Variants in FRMD4A observed in about 807,000 individuals in gnomAD.
FRMD4A encodes the protein FERM domain-containing protein 4A.
FRMD4A carries 29 observed loss-of-function variants against 129.1 expected under a neutral mutation model. The observed-to-expected ratio is 0.22, with a 90% CI of 0.17 to 0.31. The LOEUF is 0.31. Ranked by LOEUF, FRMD4A falls within the 10% of genes least tolerant of loss-of-function variation. The pLI is 1.00. For synonymous variants in FRMD4A, 634 were observed against 571.6 expected (o/e 1.11, Z -1.56); for missense variants, 1,272 against 1,375.8 (o/e 0.92, Z 1.19).
At chr10:13,984,727 G>A (rs140040130) in intron 2 of FRMD4A, among the ~76,000 whole-genome samples, 5 of 152,344 alleles carry the variant, frequency 3.3e-5, no homozygotes, top group Admixed American at 1.3e-4. Context: ...TTTTAAGGCT[G>A]AGTAATGTTC....
chr10:14,167,538 C>CTA (rs1841250008), intron 2 of FRMD4A, among the ~76,000 whole-genome samples: 1 of 57,580 alleles, frequency 1.7e-5, no homozygotes, highest in Non-Finnish European at 2.9e-5. Context: ...CTCCGTCTCT[C>CTA]AAAAAAAAAA....
intron 2 of FRMD4A, among the ~76,000 whole-genome samples, chr10:14,210,844 C>T (rs964156234): frequency 4.6e-5 from 7 of 152,200 alleles, no homozygotes; most frequent in South Asian, 4.1e-4. Flanking sequence ...TCTTCTGCCT[C>T]AGCCTACCAA....
At chr10:13,792,929 G>C (rs2093034789) in intron 5 of FRMD4A, among the ~76,000 whole-genome samples, 1 of 152,226 alleles carries the variant, frequency 6.6e-6, no homozygotes, top group Admixed American at 6.5e-5. Flanking sequence ...CGTGGATGGA[G>C]AGGGGTTCTG....
At chr10:13,715,905 C>CA (rs61600242) in intron 12 of FRMD4A, among the ~76,000 whole-genome samples, 36,633 of 124,956 alleles carry the variant, frequency 0.29, 5,412 homozygotes, top group African/African-American at 0.37. Flanking sequence ...ACTCCCCCCT[C>CA]AAAAAAAAAA....
chr10:13,689,729 AT>A (rs34481268), intron 15 of FRMD4A, among the ~76,000 whole-genome samples: 218 of 144,832 alleles, frequency 1.5e-3, no homozygotes, highest in Middle Eastern at 3.5e-3. Flanking sequence ...TATTAAGAAG[AT>A]TTTTTTTTTT....
chr10:14,005,295 T>A (rs187097107), intron 2 of FRMD4A, among the ~76,000 whole-genome samples: 45 of 152,320 alleles, frequency 3.0e-4, no homozygotes, highest in African/African-American at 1.0e-3. Context: ...GTGCTGGGAT[T>A]ACAGGTGTGA....
At chr10:13,676,249 T>C (rs913520848) in intron 15 of FRMD4A, among the ~76,000 whole-genome samples, 1 of 151,930 alleles carries the variant, frequency 6.6e-6, no homozygotes, top group African/African-American at 2.4e-5. Flanking sequence ...AAAAGCTGAT[T>C]ATAACTTTTC....
chr10:14,007,384 C>G (rs1309314807), intron 2 of FRMD4A: 1 of 152,136 alleles, frequency 6.6e-6, no homozygotes, highest in Non-Finnish European at 1.5e-5. Context: ...CTAGAGTCAG[C>G]CCCAAAAATG....
At chr10:13,931,327 A>AC (rs1258926326) in intron 2 of FRMD4A, among the ~76,000 whole-genome samples, 1 of 151,922 alleles carries the variant, frequency 6.6e-6, no homozygotes, top group African/African-American at 2.4e-5. Flanking sequence ...TCCCCCACCT[A>AC]CCCCTTCTGG....
chr10:13,694,839 C>T (rs2086062446), intron 14 of FRMD4A, among the ~76,000 whole-genome samples: 2 of 58,990 alleles, frequency 3.4e-5, no homozygotes, highest in African/African-American at 7.6e-5. Context: ...GAGACCCTGT[C>T]TCTTAAAAAA....
At chr10:14,263,644 C>T (rs1844880899) in intron 2 of FRMD4A, among the ~76,000 whole-genome samples, 1 of 152,126 alleles carries the variant, frequency 6.6e-6, no homozygotes, top group Non-Finnish European at 1.5e-5. Context: ...GTGAAGCCAT[C>T]AAGGATGGAA....
chr10:14,089,331 T>C (rs1479124985), intron 2 of FRMD4A, among the ~76,000 whole-genome samples: 2 of 152,072 alleles, frequency 1.3e-5, no homozygotes, highest in East Asian at 3.9e-4. Flanking sequence ...TTTCCCCCGC[T>C]GGGGCCCAGC....
chr10:13,680,514 T>C lies in FRMD4A; in HGVS notation c.1118-5470A>G, dbSNP rs981426798. Among the ~76,000 whole-genome samples, 19 of 150,150 alleles carry C rather than the reference T, an allele frequency of 1.3e-4. No individual in the cohort carries two copies. In the East Asian group the frequency reaches 3.7e-3, roughly 30 times the overall value. ...AGGCCGAGGTGGGCAGATCAGGAGG[T>C]CAGATTTTGAGACCAGCCTGGCCAA... On this transcript the variant is annotated intron_variant, in intron 15 of 24. Coordinates refer to ENST00000357447, the MANE Select transcript of FRMD4A (RefSeq NM_018027.5).
At chr10:14,271,398 C>T (rs967134740) in intron 2 of FRMD4A, among the ~76,000 whole-genome samples, 1 of 152,216 alleles carries the variant, frequency 6.6e-6, no homozygotes, top group Admixed American at 6.5e-5. Context: ...AGGATGCTAT[C>T]CCTTTATAGG....
At chr10:14,127,073 A>G (rs1321010943) in intron 2 of FRMD4A, among the ~76,000 whole-genome samples, 1 of 152,174 alleles carries the variant, frequency 6.6e-6, no homozygotes, top group African/African-American at 2.4e-5. Context: ...AATAAGGGAA[A>G]CTGCAGCAAA....
At chr10:14,277,825 A>T (rs1412000211) in intron 2 of FRMD4A, among the ~76,000 whole-genome samples, 1 of 152,216 alleles carries the variant, frequency 6.6e-6, no homozygotes, top group Non-Finnish European at 1.5e-5. Context: ...CAGGGCCCAG[A>T]GAGAGGGGAG....
At chr10:13,973,819 G>C (rs1401183235) in intron 2 of FRMD4A, among the ~76,000 whole-genome samples, 1 of 152,032 alleles carries the variant, frequency 6.6e-6, no homozygotes, top group East Asian at 1.9e-4. Context: ...AAATTAAAAA[G>C]CATACAGTAC....
chr10:13,707,148 G>GCCAGCCCCTCCT, intron 12 of FRMD4A, 35 bp from the exon 13 acceptor site: 3 of 1,215,120 alleles, frequency 2.5e-6, no homozygotes, highest in Non-Finnish European at 3.7e-6. Context: ...AAACTCAGGA[G>GCCAGCCCCTCCT]GGGCTGGCTC....
At chr10:14,145,786 T>TGA (rs924311625) in intron 2 of FRMD4A, among the ~76,000 whole-genome samples, 1 of 152,058 alleles carries the variant, frequency 6.6e-6, no homozygotes, top group African/African-American at 2.4e-5. Context: ...CTATGCTGCC[T>TGA]GAGAGAGAGA....
Sources: gnomAD v4.1 joint callset for allele counts (sites outside exome capture counted in the v4.1 genomes callset) on GRCh38, gnomAD v4.1.1 for gene constraint, MANE v1.5 for transcripts, NCBI Gene and HGNC (gene_info 2026-07-23, HGNC 2026-07-21) for gene names.